The following CAMTA1 variants were observed in gnomAD, a reference collection of about 807,000 sequenced individuals.
CAMTA1 encodes calmodulin binding transcription activator 1.
In CAMTA1, 27 loss-of-function variants were observed where a neutral mutation model predicts 170.9. That is an observed-to-expected ratio of 0.16 (90% CI 0.12 to 0.22). CAMTA1 has a LOEUF of 0.22. Ranked by LOEUF, CAMTA1 falls within the 10% of genes least tolerant of loss-of-function variation. CAMTA1 has a pLI of 1.00. For synonymous variants in CAMTA1, 833 were observed against 891.5 expected, an observed-to-expected ratio of 0.93 and a Z score of 1.17; for missense variants, 1,619 against 2,217.2, an observed-to-expected ratio of 0.73 and a Z score of 5.42.
intron 4 of CAMTA1, among the ~76,000 whole-genome samples, chr1:7,192,213 C>T (rs1654664337): frequency 6.6e-6 from 1 of 152,210 alleles, no homozygotes; most frequent in Admixed American, 6.5e-5. Flanking sequence ...ACTGATGTCG[C>T]TTGCGTGGTA....
intron 6 of CAMTA1, among the ~76,000 whole-genome samples, chr1:7,536,338 C>T (rs552181273): frequency 7.8e-4 from 119 of 152,266 alleles, no homozygotes; most frequent in African/African-American, 2.5e-3. Flanking sequence ...TCAGGGTGAG[C>T]GGCAGGGAGG....
chr1:7,745,205 A>G (rs1033802488), intron 17 of CAMTA1, among the ~76,000 whole-genome samples, 183 bp downstream of exon 17: 1 of 151,758 alleles, frequency 6.6e-6, no homozygotes, highest in African/African-American at 2.4e-5. Context: ...CTCTCCCATT[A>G]TTTTTTTTAC....
At chr1:7,575,715 C>T (rs2095182966) in intron 6 of CAMTA1, among the ~76,000 whole-genome samples, 1 of 151,766 alleles carries the variant, frequency 6.6e-6, no homozygotes, top group Non-Finnish European at 1.5e-5. Context: ...TTAGTAATGT[C>T]TGGCCCAGGT....
In CAMTA1 at chr1:7,248,668, C is replaced by A. The variant is rs1416711693; in HGVS notation, c.303-823C>A. Among the ~76,000 whole-genome samples the A allele has an allele frequency of 6.6e-6, 1 of 152,118 alleles. No individual in the cohort carries two copies. The highest frequency in any genetic ancestry group is 1.9e-4 in the East Asian group (1 of 5,174). ...AAACCCAAATATGTGACCTGACCAC[C>A]GCATCTGCAGATATGCACGTCATCA... is the stretch of plus-strand genomic sequence containing the variant. On this transcript the variant is annotated intron_variant, in intron 4 of 22. Coordinates refer to ENST00000303635, the MANE Select transcript of CAMTA1 (RefSeq NM_015215.4). The surrounding 1 kb of genome is among the most constrained non-coding windows in gnomAD (Gnocchi z 4.0).
At chr1:6,805,640 G>A (rs1244524714) in intron 1 of CAMTA1, among the ~76,000 whole-genome samples, 1 of 152,088 alleles carries the variant, frequency 6.6e-6, no homozygotes, top group Non-Finnish European at 1.5e-5. Flanking sequence ...TGAGCAGCTG[G>A]GACTTCAGGG....
At chr1:7,540,323 C>T (rs1250603213) in intron 6 of CAMTA1, among the ~76,000 whole-genome samples, 16 of 152,174 alleles carry the variant, frequency 1.1e-4, no homozygotes, top group Admixed American at 8.5e-4. Context: ...AACTGGAGTA[C>T]GGGCAGGGTT....
chr1:6,885,132 G>A (rs1010798247), intron 3 of CAMTA1, among the ~76,000 whole-genome samples: 6 of 152,142 alleles, frequency 3.9e-5, no homozygotes, highest in Non-Finnish European at 7.4e-5. Flanking sequence ...CTGCTAAATG[G>A]TGTTTTGCTT....
At chr1:7,379,970 G>A (rs1350391827) in intron 5 of CAMTA1, among the ~76,000 whole-genome samples, 8 of 152,216 alleles carry the variant, frequency 5.3e-5, no homozygotes, top group Non-Finnish European at 1.5e-5. Context: ...AAAAAGGGCT[G>A]TTCTTAATCA....
intron 4 of CAMTA1, among the ~76,000 whole-genome samples, chr1:7,150,811 G>A (rs1484711470): frequency 1.3e-5 from 2 of 152,176 alleles, no homozygotes; most frequent in African/African-American, 4.8e-5. Flanking sequence ...CTCCTGGTCA[G>A]ACATAAAAGT....
intron 3 of CAMTA1, among the ~76,000 whole-genome samples, chr1:7,017,634 C>T (rs1210752078): frequency 6.6e-6 from 1 of 152,120 alleles, no homozygotes; most frequent in Admixed American, 6.5e-5. Context: ...TTATCATGGC[C>T]CTGTCTCATT....
rs148695265 is a variant in CAMTA1 at position 7,274,529 on chromosome 1, T to C, written c.438+24903T>C. Among the ~76,000 whole-genome samples, 783 of 152,300 alleles carry C rather than the reference T, an allele frequency of 5.1e-3. 5 individuals carry two copies. The highest frequency in any genetic ancestry group is 0.01 in the Middle Eastern group (3 of 294). ...GGGAGATTCTTTTCTCAGTGATGCA[T>C]AGGAGACAGGAAATCAGTAAGGACA... On this transcript the variant is annotated intron_variant, in intron 5 of 22. Coordinates refer to ENST00000303635, the MANE Select transcript of CAMTA1 (RefSeq NM_015215.4).
At chr1:7,244,356 A>G (rs1382848225) in intron 4 of CAMTA1, among the ~76,000 whole-genome samples, 2 of 152,268 alleles carry the variant, frequency 1.3e-5, no homozygotes, top group Admixed American at 6.5e-5. Flanking sequence ...ATCTAGAACC[A>G]GAAATACCAT....
At chr1:7,447,164 C>A (rs1166735788) in intron 5 of CAMTA1, among the ~76,000 whole-genome samples, 1 of 152,152 alleles carries the variant, frequency 6.6e-6, no homozygotes, top group Admixed American at 6.5e-5. Context: ...CCCAGGGAGC[C>A]ATACTGCCCC....
rs554251429 is a variant in CAMTA1 at position 7,393,647 on chromosome 1, A to G, written c.439-74183A>G. 5.0e-4 allele frequency among the ~76,000 whole-genome samples: 76 copies of G among 152,298 alleles called. 1 individual carries two copies. The highest frequency in any genetic ancestry group is 9.1e-4 in the Non-Finnish European group (62 of 68,012). ...TGACACATGTATACATTGTGTAATG[A>G]TCAAATCACAGTATTTAGCATATTT... On this transcript the variant is annotated intron_variant, in intron 5 of 22. Transcript: ENST00000303635.
At chr1:7,563,931 G>A (rs913294406) in intron 6 of CAMTA1, among the ~76,000 whole-genome samples, 8 of 152,174 alleles carry the variant, frequency 5.3e-5, no homozygotes, top group African/African-American at 1.9e-4. Flanking sequence ...GGGGGTAAGC[G>A]CTGCAGAGGG....
At chr1:7,577,567 T>C (rs1438592765) in intron 6 of CAMTA1, among the ~76,000 whole-genome samples, 1 of 152,054 alleles carries the variant, frequency 6.6e-6, no homozygotes, top group Non-Finnish European at 1.5e-5. Context: ...CAACCCTTTT[T>C]TTTTTTAAGC....
chr1:7,159,942 C>T (rs1347429219), intron 4 of CAMTA1, among the ~76,000 whole-genome samples: 2 of 152,190 alleles, frequency 1.3e-5, no homozygotes. Context: ...ACATAGTACA[C>T]TTTCAGTAAA....
chr1:7,251,068 T>G lies in CAMTA1; in HGVS notation c.438+1442T>G, dbSNP rs1170964006. 6.6e-6 allele frequency among the ~76,000 whole-genome samples: 1 copy of G among 152,164 alleles called. No homozygotes were observed. Among genetic ancestry groups the G allele is most frequent in the Non-Finnish European group, 1.5e-5 (1 of 68,032 alleles). On this transcript the variant is annotated intron_variant, in intron 5 of 22. Transcript: ENST00000303635. This position sits in a 1 kb window ranked among gnomAD's most constrained non-coding sequence, Gnocchi z 5.1. ...GGGTGGGGCCCCCGAACAACGAGGC[T>G]GCTCGCACCGGGAGTAATAGGGCTG...
Position 6,887,362 on chromosome 1 carries a change from G to A in CAMTA1, c.234+62152G>A, listed in dbSNP as rs1673507169. 6.6e-6 allele frequency among the ~76,000 whole-genome samples: 1 copy of A among 152,094 alleles called. No homozygotes were observed. The highest frequency in any genetic ancestry group is 6.5e-5 in the Admixed American group (1 of 15,268). Reference sequence around the variant, plus strand: ...AGATAAAACCTACAACCCAATAAAAGTCATGCTGTAACGATTGCAAAAAGA... The same window carrying A: ...AGATAAAACCTACAACCCAATAAAAATCATGCTGTAACGATTGCAAAAAGA... On this transcript the variant is annotated intron_variant, in intron 3 of 22. Coordinates refer to ENST00000303635, the MANE Select transcript of CAMTA1 (RefSeq NM_015215.4). This position sits in a 1 kb window ranked among gnomAD's most constrained non-coding sequence, Gnocchi z 4.1.
Sources: allele counts gnomAD v4.1 joint callset (sites outside exome capture counted in the v4.1 genomes callset), GRCh38; gene constraint gnomAD v4.1.1; non-coding constraint Gnocchi (gnomAD v3.1); transcripts MANE v1.5; gene names NCBI Gene and HGNC (gene_info 2026-07-23, HGNC 2026-07-21).